The following KDM1A variants were observed in gnomAD, a reference collection of about 807,000 sequenced individuals.
KDM1A encodes the protein lysine-specific histone demethylase 1A.
KDM1A carries 49 observed loss-of-function variants against 109.4 expected under a neutral mutation model. The observed-to-expected ratio is 0.45, with a 90% CI of 0.36 to 0.57. The LOEUF (loss-of-function observed/expected upper bound fraction) is 0.57. Among genes scored for constraint, KDM1A ranks in the 20% least tolerant of loss-of-function variants. The pLI is 0.00. For missense variants in KDM1A, 668 were observed against 1,116.6 expected, an observed-to-expected ratio of 0.60 and a Z score of 5.73; for synonymous variants, 380 against 415.4, an observed-to-expected ratio of 0.91 and a Z score of 1.04.
Position 23,020,243 on chromosome 1 carries a change from C to T in KDM1A, c.351+296C>T, listed in dbSNP as rs549020863. 4.8e-5 allele frequency: 13 copies of T among 268,716 alleles called. No homozygotes were observed. The South Asian group carries it at 1.6e-3, about 33-fold the overall frequency. 16.6% of individuals were successfully genotyped at this position (268,716 alleles called of 1,614,324 possible). On this transcript the variant is annotated intron_variant, in intron 1 of 20. Coordinates refer to ENST00000400181, the MANE Select transcript of KDM1A (RefSeq NM_001009999.3). Reference sequence around the variant, plus strand: ...TCTTTCTTGCACACCTTTTCATTTTCTTGACTGGAAAATGGCTCCCTGACG... The same window carrying T: ...TCTTTCTTGCACACCTTTTCATTTTTTTGACTGGAAAATGGCTCCCTGACG...
chr1:23,075,244 C>A (rs1166796104), intron 15 of KDM1A, among the ~76,000 whole-genome samples: 1 of 152,204 alleles, frequency 6.6e-6, no homozygotes, highest in African/African-American at 2.4e-5. Flanking sequence ...TGAGAAATCA[C>A]AAGGCTTCTT....
At chr1:23,049,841 CT>C (rs1358590520) in intron 3 of KDM1A, among the ~76,000 whole-genome samples, 1 of 152,098 alleles carries the variant, frequency 6.6e-6, no homozygotes, top group Non-Finnish European at 1.5e-5. Context: ...TCCTTGCATT[CT>C]TCTGTCTTAT....
chr1:23,082,909 C>T (rs967825416), intron 20 of KDM1A: 6 of 293,842 alleles, frequency 2.0e-5, no homozygotes, highest in East Asian at 1.2e-4. Context: ...GAGGGAAGGA[C>T]GCTTTACAAC....
intron 8 of KDM1A, among the ~76,000 whole-genome samples, chr1:23,058,735 G>T (rs1569755104): frequency 6.6e-6 from 1 of 152,214 alleles, no homozygotes; most frequent in East Asian, 1.9e-4. Flanking sequence ...AAATCATGTA[G>T]CTCCGTATTA....
intron 2 of KDM1A, among the ~76,000 whole-genome samples, chr1:23,043,254 CAT>C (rs1642405720): frequency 6.6e-6 from 1 of 152,172 alleles, no homozygotes; most frequent in South Asian, 2.1e-4. Context: ...GTCTGAGAAG[CAT>C]AACCTTCTTG....
At chr1:23,048,459 T>C (rs1356910809) in intron 3 of KDM1A, among the ~76,000 whole-genome samples, 1 of 152,204 alleles carries the variant, frequency 6.6e-6, no homozygotes, top group African/African-American at 2.4e-5. Flanking sequence ...GAATAAATTA[T>C]CCTGACAGTC....
At chr1:23,080,480 A>G (rs1326316023) in intron 18 of KDM1A, among the ~76,000 whole-genome samples, 2 of 152,134 alleles carry the variant, frequency 1.3e-5, no homozygotes, top group Admixed American at 1.3e-4. Flanking sequence ...AATAGCTACT[A>G]CTGCTATTCC....
At chr1:23,072,558 G>A (rs575932853) in intron 14 of KDM1A, among the ~76,000 whole-genome samples, 1 of 152,274 alleles carries the variant, frequency 6.6e-6, no homozygotes, top group South Asian at 2.1e-4. Flanking sequence ...ATTTCCACTG[G>A]GTTTTTGACA....
At position 23,030,510 on chromosome 1, in the gene KDM1A, A is replaced by G; in HGVS notation, c.393A>G (p.Ser131=). The part of the protein sequence containing the change: ...REMDESLANL[S]EDEYYSEEER... ...TGGATGAAAGCTTGGCCAACCTCTC[A>G]GAAGATGAGTATTATTCAGAAGAAG... Residue 131 remains serine, a synonymous_variant, in exon 2 of 21, where the codon TCA becomes TCG. Coordinates refer to ENST00000400181, the MANE Select transcript of KDM1A (RefSeq NM_001009999.3). 6.2e-7 allele frequency: 1 copy of G among 1,607,808 alleles called. No homozygotes were observed. Among genetic ancestry groups the G allele is most frequent in the Non-Finnish European group, 8.5e-7 (1 of 1,178,402 alleles).
At position 23,075,145 on chromosome 1, in the gene KDM1A, C is replaced by T. The variant is rs1468292345; in HGVS notation, c.1734+1742C>T. 2.0e-5 allele frequency among the ~76,000 whole-genome samples: 3 copies of T among 152,278 alleles called. No homozygotes were observed. In the East Asian group the frequency reaches 5.8e-4, roughly 29 times the overall value. ...AGTATACTTCTCCAAAAATAGTTTT[C>T]TTTCGTTTATGTCAGTGATGTTTTA... On this transcript the variant is annotated intron_variant, in intron 15 of 20. Transcript: ENST00000400181.
Position 23,074,266 on chromosome 1 carries a change from T to C in KDM1A, c.1734+863T>C, listed in dbSNP as rs536930121. On this transcript the variant is annotated intron_variant, in intron 15 of 20. Transcript: ENST00000400181. ...TTTGAGTAAATGTCTGCTCAGATCT[T>C]TTGCCTATTAAAAAAGTCTGATTGT... Among the ~76,000 whole-genome samples the C allele has an allele frequency of 7.9e-5, 12 of 152,360 alleles. No individual in the cohort carries two copies. In the South Asian group the frequency reaches 2.5e-3, roughly 32 times the overall value.
intron 9 of KDM1A, among the ~76,000 whole-genome samples, chr1:23,060,721 A>G (rs1642974879): frequency 6.6e-6 from 1 of 152,204 alleles, no homozygotes; most frequent in African/African-American, 2.4e-5. Context: ...CAGCGAGGGT[A>G]GGAAGATAGA....
Position 23,069,092 on chromosome 1 carries a change from A to T in KDM1A, c.1354A>T (p.Ile452Phe). The change falls in exon 12 of 21, where the codon ATT (isoleucine) becomes TTT (phenylalanine). Residue 452 changes from isoleucine (I) to phenylalanine (F), a missense_variant. By Grantham distance (21) the Ile-to-Phe change is conservative (BLOSUM62 0). This residue lies in a region of KDM1A where 62 missense variants were observed against 82.8 expected (regional missense o/e 0.75). Coordinates refer to ENST00000400181, the MANE Select transcript of KDM1A (RefSeq NM_001009999.3). ...LQEKHVKDEQ[I>F]EHWKKIVKTQ... ...AGAGAAGCATGTCAAAGATGAGCAG[A>T]TTGAACATTGGAAGAAGATAGTGAA... 1 of 1,611,334 alleles carries T rather than the reference A, an allele frequency of 6.2e-7. No individual in the cohort carries two copies. The highest frequency in any genetic ancestry group is 1.7e-5 in the Admixed American group (1 of 59,708).
intron 3 of KDM1A, among the ~76,000 whole-genome samples, chr1:23,047,859 A>C (rs1355834098): frequency 4.6e-5 from 7 of 151,446 alleles, no homozygotes; most frequent in Non-Finnish European, 1.0e-4. Flanking sequence ...GTGCCCCTGC[A>C]CTTCAGGAGC....
chr1:23,082,630 AAC>A (rs1240549595), intron 20 of KDM1A: 2 of 355,230 alleles, frequency 5.6e-6, no homozygotes, highest in Non-Finnish European at 1.0e-5. Flanking sequence ...CTCCCTAAAA[AAC>A]AAAACCATTT....
At chr1:23,064,497 T>C (rs1643105768) in intron 9 of KDM1A, among the ~76,000 whole-genome samples, 1 of 152,220 alleles carries the variant, frequency 6.6e-6, no homozygotes, top group Admixed American at 6.5e-5. Flanking sequence ...GAACTTTGAT[T>C]ACCTAGCGTA....
intron 2 of KDM1A, among the ~76,000 whole-genome samples, chr1:23,034,513 A>G (rs1340683965): frequency 6.0e-5 from 9 of 151,246 alleles, no homozygotes; most frequent in Non-Finnish European, 7.4e-5. Flanking sequence ...GTCTTTGCTC[A>G]GATTGTTACC....
chr1:23,042,487 C>G (rs1196426895), intron 2 of KDM1A, among the ~76,000 whole-genome samples: 1 of 93,050 alleles, frequency 1.1e-5, no homozygotes, highest in East Asian at 3.7e-4. Flanking sequence ...GAGTCTCGCT[C>G]TGTCGCCCAG....
chr1:23,059,498 T>C, intron 9 of KDM1A: 1 of 369,894 alleles, frequency 2.7e-6, no homozygotes, highest in South Asian at 2.2e-5. Flanking sequence ...TTCTTCGGTT[T>C]TTTTTGTATT....
Sources: allele counts gnomAD v4.1 joint callset (sites outside exome capture counted in the v4.1 genomes callset), GRCh38; gene constraint gnomAD v4.1.1; regional missense constraint gnomAD v4.1.1; transcripts MANE v1.5; gene names NCBI Gene and HGNC (gene_info 2026-07-23, HGNC 2026-07-21).